Variants in KIF7 observed in about 807,000 individuals in gnomAD.
KIF7 encodes the protein kinesin-like protein KIF7.
In KIF7, 104 loss-of-function variants were observed where a neutral mutation model predicts 135.7. That is an observed-to-expected ratio of 0.77 (90% CI 0.65 to 0.90). KIF7 has a LOEUF of 0.90. Ranked by LOEUF, KIF7 falls within the 40% of genes least tolerant of loss-of-function variation. The pLI, the probability that KIF7 is intolerant of heterozygous loss-of-function variation, is 0.00. For synonymous variants in KIF7, 883 were observed against 809.4 expected, an observed-to-expected ratio of 1.09 and a Z score of -1.54; for missense variants, 2,005 against 1,839.1, an observed-to-expected ratio of 1.09 and a Z score of -1.65.
At chr15:89,657,294 G>A (rs1375703992), upstream of KIF7, among the ~76,000 whole-genome samples, 1 of 131,438 alleles carries the variant, frequency 7.6e-6, no homozygotes, top group East Asian at 2.3e-4. Flanking sequence ...CTGTGTGAGA[G>A]AGTGAGACCC....
rs1208794672 is a variant in KIF7, at chr15:89,621,242, A to G, written c.181-3047T>C. 2.7e-5 allele frequency: 17 copies of G among 627,214 alleles called. No individual in the cohort carries two copies. In the South Asian group the frequency reaches 4.0e-4, roughly 15 times the overall value. 38.9% of individuals were successfully genotyped at this position (627,214 alleles called of 1,614,324 possible). ...CGCTATGTTGGCCAGGCTGGTCTCG[A>G]ACTCCTGACCTCAGACCATCCACCT... On this transcript the variant is annotated intron_variant and NMD_transcript_variant, in intron 1 of 2. Coordinates refer to the KIF7 transcript ENST00000558928.
At chr15:89,626,764 C>G (rs552756296), downstream of KIF7, among the ~76,000 whole-genome samples, 2 of 152,308 alleles carry the variant, frequency 1.3e-5, no homozygotes, top group African/African-American at 4.8e-5. Flanking sequence ...GCTGCCAGCA[C>G]GGTGCATAGC....
In KIF7 at chr15:89,628,698, C is replaced by T. The variant is rs140121479; in HGVS notation, c.3753G>A (p.Leu1251=). Residue 1251 remains leucine, a synonymous_variant, in exon 19 of 19, where the codon CTG becomes CTA. Transcript: ENST00000394412. ...ELHLAPELLW[L]SPLTEGAPRT... is the part of the protein sequence containing the mutation. ...GGGGGGCCCCCTCAGTGAGGGGGGA[C>T]AGCCAGAGAAGCTCGGGTGCCAGGT... is the stretch of plus-strand genomic sequence containing the variant. The T allele has an allele frequency of 8.4e-5, 136 of 1,612,962 alleles. No homozygotes were observed. The highest frequency in any genetic ancestry group is 1.1e-4 in the Non-Finnish European group (125 of 1,179,928).
At chr15:89,620,831 T>C (rs1364344022) in intron 1 of KIF7, among the ~76,000 whole-genome samples, 1 of 151,950 alleles carries the variant, frequency 6.6e-6, no homozygotes, top group Non-Finnish European at 1.5e-5. Flanking sequence ...CATGCCATTC[T>C]CCTGCCTCAG....
intron 14 of KIF7, 67 bp downstream of exon 14, chr15:89,632,753 A>G: frequency 1.3e-6 from 2 of 1,532,258 alleles, no homozygotes; most frequent in Admixed American, 1.8e-5. Context: ...ACCTGGCAAG[A>G]TCTGTCCTGG....
chr15:89,646,444 G>A (rs148642238), intron 7 of KIF7, among the ~76,000 whole-genome samples: 3,341 of 152,192 alleles, frequency 0.022, 64 homozygotes, highest in Middle Eastern at 0.027. Flanking sequence ...GTCCAAACAA[G>A]GTTCCCCACG....
downstream of KIF7, chr15:89,624,623 G>A (rs772836864): frequency 6.8e-6 from 11 of 1,613,848 alleles, no homozygotes; most frequent in African/African-American, 4.0e-5. Flanking sequence ...CCTGAAAGAC[G>A]GGGCTACCCA....
intron 3 of KIF7, 58 bp from the exon 4 acceptor site, chr15:89,649,425 G>T: frequency 7.0e-7 from 1 of 1,437,248 alleles, no homozygotes; most frequent in Non-Finnish European, 9.1e-7. Flanking sequence ...GACCAGCCAG[G>T]AGGGCAGGCA....
intron 1 of KIF7, among the ~76,000 whole-genome samples, chr15:89,621,996 T>TTTTC (rs1395151398): frequency 6.7e-6 from 1 of 148,472 alleles, no homozygotes; most frequent in East Asian, 1.9e-4. Flanking sequence ...TTTTTTTTTT[T>TTTTC]TTTTTTTGGA....
At chr15:89,651,328 G>A (rs1306866389) in intron 2 of KIF7, among the ~76,000 whole-genome samples, 2 of 152,160 alleles carry the variant, frequency 1.3e-5, no homozygotes, top group Non-Finnish European at 2.9e-5. Flanking sequence ...TTGATCTCCT[G>A]ACCTCATGAT....
intron 2 of KIF7, among the ~76,000 whole-genome samples, chr15:89,651,101 T>TTTTG (rs534918401): frequency 2.0e-5 from 3 of 151,940 alleles, no homozygotes; most frequent in African/African-American, 7.3e-5. Flanking sequence ...TTGGCCAGTT[T>TTTTG]TTTGTTTGTT....
At chr15:89,625,816 C>T (rs775524338), downstream of KIF7, 2 of 1,576,560 alleles carry the variant, frequency 1.3e-6, no homozygotes, top group Non-Finnish European at 1.7e-6. Context: ...CCAGTTTCCT[C>T]ATGGTTTCTT....
At position 89,631,268 on chromosome 15, in the gene KIF7, T is replaced by G. The variant is rs1223217769; in HGVS notation, c.3111+227A>C. Among the ~76,000 whole-genome samples, 9 of 152,272 alleles carry G rather than the reference T, an allele frequency of 5.9e-5. No homozygotes were observed. The East Asian group carries it at 1.5e-3, about 26-fold the overall frequency. ...GTCCAGGCTCCAGCCAGAAGAGAGC[T>G]GAGAGGTCAGCACAGCCTGGCCCCT... On this transcript the variant is annotated intron_variant, in intron 15 of 18. Transcript: ENST00000394412.
Position 89,648,585 on chromosome 15 carries a change from G to A in KIF7, c.1113C>T (p.Gly371=), listed in dbSNP as rs1325233676. ...AGCGGTGCCGTGGCGGACCCCGCGC[G>A]CCGCTCGCCGTCTCTTCGGGTGGCC... ...AERPPEETAS[G]ARGPPRHRSE... is the part of the protein sequence containing the mutation. Residue 371 remains glycine (G), a synonymous_variant, in exon 5 of 19, where the codon GGC becomes GGT. Coordinates refer to ENST00000394412, the MANE Select transcript of KIF7 (RefSeq NM_198525.3). 2 of 1,516,742 alleles carry A rather than the reference G, an allele frequency of 1.3e-6. No individual in the cohort carries two copies. The highest frequency in any genetic ancestry group is 1.4e-5 in the African/African-American group (1 of 71,790). 94.0% of individuals were successfully genotyped at this position (1,516,742 alleles called of 1,614,324 possible).
intron 11 of KIF7, among the ~76,000 whole-genome samples, chr15:89,637,626 G>T (rs1342709069): frequency 6.7e-6 from 1 of 148,760 alleles, no homozygotes; most frequent in Non-Finnish European, 1.5e-5. Flanking sequence ...CCAGGAAGAA[G>T]TTGAATCTCT....
chr15:89,638,562 A>ATTCTC (rs1309807050), intron 11 of KIF7, among the ~76,000 whole-genome samples: 4,168 of 151,834 alleles, frequency 0.027, 186 homozygotes, highest in African/African-American at 0.096. Context: ...AAAGAGAATA[A>ATTCTC]AATACCTAGG....
intron 2 of KIF7, among the ~76,000 whole-genome samples, chr15:89,650,738 T>C (rs1376000371): frequency 6.6e-6 from 1 of 151,904 alleles, no homozygotes; most frequent in African/African-American, 2.4e-5. Flanking sequence ...ATTAAAAAGT[T>C]AGATTTTTTT....
intron 2 of KIF7, chr15:89,617,932 T>C: frequency 1.9e-6 from 1 of 539,698 alleles, no homozygotes; most frequent in Non-Finnish European, 3.3e-6. Context: ...CCTCAAGTGA[T>C]CCGCCCGCCT....
chr15:89,652,955 C>T lies in KIF7; in HGVS notation c.-24-1G>A. On this transcript the variant is annotated splice_acceptor_variant, in intron 1 of 18. Coordinates refer to ENST00000394412, the MANE Select transcript of KIF7 (RefSeq NM_198525.3). LOFTEE classifies it low-confidence loss of function (5UTR_SPLICE). The stretch of plus-strand genomic sequence containing the variant: ...TGCCGAGGGAGGACTGCTCTGGGCC[C>T]TGTGGAGAGAGAGAGAAGCCCTGGC... 1 of 1,472,572 alleles carries T rather than the reference C, an allele frequency of 6.8e-7. No individual in the cohort carries two copies. Among genetic ancestry groups the T allele is most frequent in the Non-Finnish European group, 9.0e-7 (1 of 1,109,492 alleles). 91.2% of individuals were successfully genotyped at this position (1,472,572 alleles called of 1,614,324 possible).
Sources: gnomAD v4.1 joint callset for allele counts (sites outside exome capture counted in the v4.1 genomes callset) on GRCh38, gnomAD v4.1.1 for gene constraint, MANE v1.5 for transcripts, NCBI Gene and HGNC (gene_info 2026-07-23, HGNC 2026-07-21) for gene names.